SLC26A3: variants seen among roughly 807,000 people sequenced by gnomAD.
SLC26A3 encodes the protein chloride anion exchanger.
In SLC26A3, 64 loss-of-function variants were observed where a neutral mutation model predicts 85.6. That is an observed-to-expected ratio of 0.75 (90% CI 0.61 to 0.92). The LOEUF (loss-of-function observed/expected upper bound fraction) is 0.92. Ranked by LOEUF, SLC26A3 falls within the 40% of genes least tolerant of loss-of-function variation. The probability of loss-of-function intolerance (pLI) is 0.00; values close to 1 mark genes in which losing one functional copy is unlikely to be tolerated. For missense variants in SLC26A3, 922 were observed against 927.3 expected (o/e 0.99, Z 0.07); for synonymous variants, 349 against 336.0 (o/e 1.04, Z -0.42).
At chr7:107,800,494 T>G (rs934669932) in intron 1 of SLC26A3, among the ~76,000 whole-genome samples, 1 of 152,228 alleles carries the variant, frequency 6.6e-6, no homozygotes, top group African/African-American at 2.4e-5. Flanking sequence ...CTAGATAGAG[T>G]TGATCATTTC....
Position 107,776,510 on chromosome 7 carries a change from C to A in SLC26A3, c.1619G>T (p.Cys540Phe), listed in dbSNP as rs147164102. ...YEPEGVKIFR[C>F]PSPIYFANIG... is the part of the protein sequence containing the mutation. ...GTTTGCAAAGTAGATAGGAGATGGA[C>A]ATCTGAAAATTTTCACTCCTTCTGG... Residue 540 changes from cysteine to phenylalanine, a missense_variant, in exon 15 of 21, where the codon TGT becomes TTT. Physicochemically the swap from Cys to Phe is radical, Grantham distance 205. Coordinates refer to ENST00000340010, the MANE Select transcript of SLC26A3 (RefSeq NM_000111.3). The A allele has an allele frequency of 1.1e-5, 17 of 1,614,014 alleles. No homozygotes were observed. The highest frequency in any genetic ancestry group is 3.3e-5 in the Admixed American group (2 of 60,012).
In SLC26A3 at chr7:107,789,510, A is replaced by C. The variant is rs1200169483; in HGVS notation, c.735+14T>G. 6.2e-7 allele frequency: 1 copy of C among 1,610,772 alleles called. No homozygotes were observed. Among genetic ancestry groups the C allele is most frequent in the African/African-American group, 1.3e-5 (1 of 74,836 alleles). On this transcript the variant is annotated intron_variant, in intron 6 of 20. Transcript: ENST00000340010. The stretch of plus-strand genomic sequence containing the variant: ...CATGTATTTCAGTATTTTTTAGGTG[A>C]AAGAAATACTTACTTTGAAAATTGA...
chr7:107,787,531 C>T (rs761949350), intron 6 of SLC26A3, 22 bp from the exon 7 acceptor site: 1 of 1,604,006 alleles, frequency 6.2e-7, no homozygotes, highest in Non-Finnish European at 8.5e-7. Flanking sequence ...AAAACAAAAA[C>T]CACCAAAGCC....
chr7:107,793,725 C>G lies in SLC26A3; in HGVS notation c.271+17G>C, dbSNP rs756158975. On this transcript the variant is annotated intron_variant, in intron 3 of 20. Coordinates refer to ENST00000340010, the MANE Select transcript of SLC26A3 (RefSeq NM_000111.3). ...AGAATTTTATTGTATATAAATTATA[C>G]TTAAAAAAAATTTTACCTTGTAGTA... 4 of 1,590,118 alleles carry G rather than the reference C, an allele frequency of 2.5e-6. No individual in the cohort carries two copies. The highest frequency in any genetic ancestry group is 2.6e-6 in the Non-Finnish European group (3 of 1,165,592).
intron 18 of SLC26A3, among the ~76,000 whole-genome samples, chr7:107,770,091 TTTC>T (rs1434551645): frequency 4.1e-5 from 6 of 148,124 alleles, no homozygotes; most frequent in East Asian, 2.0e-4. Context: ...TCTTTCTTTC[TTTC>T]TTATTTCGTC....
intron 4 of SLC26A3, among the ~76,000 whole-genome samples, chr7:107,791,509 G>A (rs919184342): frequency 6.6e-5 from 10 of 152,184 alleles, no homozygotes; most frequent in Non-Finnish European, 8.8e-5. Context: ...CTACTTGGGA[G>A]GCTGAGGCAG....
intron 18 of SLC26A3, among the ~76,000 whole-genome samples, chr7:107,769,827 C>T (rs1793974546): frequency 6.6e-6 from 1 of 152,042 alleles, no homozygotes; most frequent in Admixed American, 6.6e-5. Context: ...TTATACTTTT[C>T]GAAGGATATG....
chr7:107,766,127 C>A (rs183999401), intron 20 of SLC26A3, among the ~76,000 whole-genome samples: 1 of 152,270 alleles, frequency 6.6e-6, no homozygotes, highest in African/African-American at 2.4e-5. Flanking sequence ...CACATTTATT[C>A]CAAAGGACTA....
intron 20 of SLC26A3, among the ~76,000 whole-genome samples, chr7:107,766,894 T>A (rs1793926385): frequency 6.6e-6 from 1 of 151,538 alleles, no homozygotes; most frequent in South Asian, 2.1e-4. Context: ...TTTTTTTTCA[T>A]TTGGAAAATG....
chr7:107,775,910 T>C (rs1794105666), intron 15 of SLC26A3: 1 of 161,834 alleles, frequency 6.2e-6, no homozygotes, highest in Admixed American at 5.7e-5. Flanking sequence ...AGAGGCTGTA[T>C]GCAAGGTACA....
At chr7:107,792,635 C>A (rs1794422809) in intron 3 of SLC26A3, among the ~76,000 whole-genome samples, 1 of 152,170 alleles carries the variant, frequency 6.6e-6, no homozygotes, top group African/African-American at 2.4e-5. Context: ...TGCCACTCAC[C>A]TCCTGCTGTG....
intron 11 of SLC26A3, 29 bp downstream of exon 11, chr7:107,782,768 G>A (rs1333881983): frequency 2.1e-5 from 34 of 1,599,508 alleles, no homozygotes; most frequent in Middle Eastern, 1.7e-4. Context: ...ACCACTAAAA[G>A]TAGAGATGCT....
intron 12 of SLC26A3, 58 bp from the exon 13 acceptor site, chr7:107,778,339 A>T: frequency 2.4e-6 from 2 of 834,808 alleles, no homozygotes; most frequent in Non-Finnish European, 3.8e-6. Flanking sequence ...TACAATGTCG[A>T]GACGGGGTCT....
chr7:107,773,885 T>C (rs762542392), intron 17 of SLC26A3, 35 bp downstream of exon 17: 3 of 1,533,446 alleles, frequency 2.0e-6, no homozygotes, highest in Non-Finnish European at 1.8e-6. Context: ...CTTTAGTCAT[T>C]GATTGGTTGT....
intron 12 of SLC26A3, among the ~76,000 whole-genome samples, chr7:107,778,570 A>G: frequency 6.6e-6 from 1 of 152,100 alleles, no homozygotes; most frequent in East Asian, 1.9e-4. Context: ...AAGAAAGTGT[A>G]TTTATTTCTA....
At chr7:107,799,333 T>A (rs947321447) in intron 1 of SLC26A3, among the ~76,000 whole-genome samples, 2 of 152,172 alleles carry the variant, frequency 1.3e-5, no homozygotes, top group Non-Finnish European at 2.9e-5. Flanking sequence ...CCTTGCCATA[T>A]CTTAACTATG....
At chr7:107,786,659 C>T (rs1480995707) in intron 8 of SLC26A3, among the ~76,000 whole-genome samples, 168 bp downstream of exon 8, 1 of 151,704 alleles carries the variant, frequency 6.6e-6, no homozygotes, top group Non-Finnish European at 1.5e-5. Flanking sequence ...CTTTGTAGCA[C>T]CTTCCTAGAA....
chr7:107,789,367 G>C (rs904022787), intron 6 of SLC26A3, among the ~76,000 whole-genome samples, 157 bp downstream of exon 6: 2 of 151,364 alleles, frequency 1.3e-5, no homozygotes, highest in Admixed American at 1.3e-4. Context: ...TGATCCGCCC[G>C]CCTCGGCCTC....
intron 8 of SLC26A3, among the ~76,000 whole-genome samples, 194 bp downstream of exon 8, chr7:107,786,633 T>C (rs1584408773): frequency 1.3e-5 from 2 of 148,576 alleles, no homozygotes; most frequent in South Asian, 2.1e-4. Context: ...AAAAAAGAAC[T>C]GCACACCCTG....
Sources: gnomAD v4.1 joint callset for allele counts (sites outside exome capture counted in the v4.1 genomes callset) on GRCh38, gnomAD v4.1.1 for gene constraint, MANE v1.5 for transcripts, NCBI Gene and HGNC (gene_info 2026-07-23, HGNC 2026-07-21) for gene names.